Variants in PDE4D observed in about 807,000 individuals in gnomAD.
PDE4D encodes the protein phosphodiesterase 4D.
Under a neutral mutation model 87.4 loss-of-function variants are expected in PDE4D, and 24 were observed. That is an observed-to-expected ratio of 0.27 (90% CI 0.20 to 0.39). The LOEUF (loss-of-function observed/expected upper bound fraction) is 0.39. Ranked by LOEUF, PDE4D falls within the 10% of genes least tolerant of loss-of-function variation. PDE4D has a pLI of 1.00. For synonymous variants in PDE4D, 384 were observed against 383.2 expected (o/e 1.00, Z -0.02); for missense variants, 714 against 1,041.0 (o/e 0.69, Z 4.32).
chr5:60,070,468 T>C (rs1224762156), intron 2 of PDE4D, among the ~76,000 whole-genome samples: 1 of 152,106 alleles, frequency 6.6e-6, no homozygotes, highest in Non-Finnish European at 1.5e-5. Context: ...CATGTTTTTA[T>C]GCTTTATTTT....
At chr5:59,516,233 T>G (rs1811126713) in intron 1 of PDE4D, among the ~76,000 whole-genome samples, 1 of 152,212 alleles carries the variant, frequency 6.6e-6, no homozygotes, top group Non-Finnish European at 1.5e-5. Flanking sequence ...CCAGAGCATT[T>G]GCAAGATTCC....
At chr5:60,147,535 T>C (rs1319754926) in intron 2 of PDE4D, among the ~76,000 whole-genome samples, 3 of 152,266 alleles carry the variant, frequency 2.0e-5, no homozygotes, top group African/African-American at 7.2e-5. Flanking sequence ...CCAGTCAAGA[T>C]AATGTGAATG....
chr5:59,751,528 T>C (rs547666735), intron 1 of PDE4D, among the ~76,000 whole-genome samples: 50 of 150,810 alleles, frequency 3.3e-4, no homozygotes, highest in African/African-American at 1.2e-3. Flanking sequence ...GTGAAGCTGT[T>C]AGGAAAGATA....
chr5:59,946,896 C>T (rs948003851), intron 3 of PDE4D, among the ~76,000 whole-genome samples: 1 of 152,142 alleles, frequency 6.6e-6, no homozygotes, highest in African/African-American at 2.4e-5. Flanking sequence ...TCTGGTCCAT[C>T]GAGAAGTCTC....
In PDE4D at chr5:59,627,686, CA is replaced by C. The variant is rs529115329; in HGVS notation, c.455+265481del. ...GAAGCATCAGATTTTTATGTGAAGCCAAAATAGTTTTATAAAATATAGATTG... is the reference window on the plus strand; with the variant it reads ...GAAGCATCAGATTTTTATGTGAAGCCAAATAGTTTTATAAAATATAGATTG... On this transcript the variant is annotated intron_variant, in intron 1 of 14. Transcript: ENST00000340635. Among the ~76,000 whole-genome samples, 255 of 152,136 alleles carry C rather than the reference CA, an allele frequency of 1.7e-3. 1 individual carries two copies. Among genetic ancestry groups the C allele is most frequent in the African/African-American group, 4.8e-3 (201 of 41,506 alleles).
intron 1 of PDE4D, among the ~76,000 whole-genome samples, chr5:59,347,272 T>C (rs1329480598): frequency 6.6e-6 from 1 of 152,138 alleles, no homozygotes; most frequent in Non-Finnish European, 1.5e-5. Flanking sequence ...TGCCATTACA[T>C]TCCTTTATCC....
chr5:59,365,330 A>G (rs529261154), intron 1 of PDE4D, among the ~76,000 whole-genome samples: 2 of 151,962 alleles, frequency 1.3e-5, no homozygotes, highest in African/African-American at 4.8e-5. Context: ...ATGGTGGTGC[A>G]TGCCTGGGGT....
At chr5:59,170,255 C>T (rs1782551613) in intron 5 of PDE4D, among the ~76,000 whole-genome samples, 1 of 152,128 alleles carries the variant, frequency 6.6e-6, no homozygotes, top group South Asian at 2.1e-4. Flanking sequence ...TGGCCTCAAG[C>T]CATCTTCCTC....
chr5:59,778,633 C>A (rs150539799), intron 1 of PDE4D, among the ~76,000 whole-genome samples: 26 of 152,140 alleles, frequency 1.7e-4, no homozygotes, highest in Admixed American at 1.4e-3. Flanking sequence ...TCTTGATACA[C>A]CCCTGGTGAA....
intron 1 of PDE4D, among the ~76,000 whole-genome samples, chr5:59,410,389 G>A (rs1214183472): frequency 6.6e-6 from 1 of 152,098 alleles, no homozygotes; most frequent in Non-Finnish European, 1.5e-5. Flanking sequence ...TGAGATTACA[G>A]GCATGCACCA....
intron 1 of PDE4D, among the ~76,000 whole-genome samples, chr5:59,866,428 T>A (rs1489351055): frequency 6.6e-6 from 1 of 152,086 alleles, no homozygotes; most frequent in Non-Finnish European, 1.5e-5. Flanking sequence ...GGGAAATGAG[T>A]TAAGGAAGGA....
intron 11 of PDE4D, among the ~76,000 whole-genome samples, chr5:58,986,827 G>A (rs887501050): frequency 2.0e-5 from 3 of 152,124 alleles, no homozygotes; most frequent in Non-Finnish European, 2.9e-5. Flanking sequence ...CAGAGTACTT[G>A]GAAGACAGTG....
intron 3 of PDE4D, among the ~76,000 whole-genome samples, chr5:59,920,922 G>A (rs536973858): frequency 7.9e-5 from 12 of 151,958 alleles, no homozygotes; most frequent in African/African-American, 2.2e-4. Flanking sequence ...TGTAAATGAC[G>A]AGTTAATGGG....
chr5:59,617,736 T>C (rs1829875551), intron 1 of PDE4D, among the ~76,000 whole-genome samples: 1 of 152,210 alleles, frequency 6.6e-6, no homozygotes, highest in African/African-American at 2.4e-5. Context: ...AGCATGGCCC[T>C]GCCAACACCT....
At position 58,974,773 on chromosome 5, in the gene PDE4D, T is replaced by G; in HGVS notation, c.2321A>C (p.Glu774Ala). ...DSKTLCTQDSESTEIPLDEQV... is the reference protein window; with the variant it reads ...DSKTLCTQDSASTEIPLDEQV... ...TTCATCAAGGGGAATTTCAGTAGAC[T>G]CTGAGTCTTGAGTACAAAGAGTCTT... Residue 774 changes from glutamate (E) to alanine (A), a missense_variant, in exon 15 of 15, where the codon GAG becomes GCG. Around this residue, in one of 7 missense-constraint regions of PDE4D, gnomAD observed 90 missense variants for 95.3 expected, o/e 0.94. Transcript: ENST00000340635. The G allele has an allele frequency of 6.2e-7, 1 of 1,613,780 alleles. No homozygotes were observed. The highest frequency in any genetic ancestry group is 8.5e-7 in the Non-Finnish European group (1 of 1,179,702).
intron 1 of PDE4D, among the ~76,000 whole-genome samples, chr5:60,473,321 C>T (rs1054995171): frequency 2.6e-5 from 4 of 151,898 alleles, no homozygotes; most frequent in Non-Finnish European, 5.9e-5. Context: ...AAAGAGACCT[C>T]CTATATTTTG....
At chr5:60,476,898 A>G (rs1748377406) in intron 1 of PDE4D, among the ~76,000 whole-genome samples, 5 of 152,204 alleles carry the variant, frequency 3.3e-5, no homozygotes, top group Admixed American at 2.6e-4. Context: ...AATGTCTGTC[A>G]ATCCCCATTA....
At chr5:60,285,739 G>A (rs1005944393) in intron 1 of PDE4D, among the ~76,000 whole-genome samples, 3 of 152,186 alleles carry the variant, frequency 2.0e-5, no homozygotes, top group African/African-American at 4.8e-5. Flanking sequence ...ACAGAGTGAC[G>A]TGGTGCCCAC....
Position 58,975,265 on chromosome 5 carries a change from CA to C in PDE4D, c.2014-186del, listed in dbSNP as rs1743422860. ...AAGTAAAGTATTGCTACTAGCTGGT[CA>C]AAATTAGCTTCTAGAACCTTTGGTT... On this transcript the variant is annotated intron_variant, in intron 14 of 14. Transcript: ENST00000340635. This position sits in a 1 kb window ranked among gnomAD's most constrained non-coding sequence, Gnocchi z 4.2. 6.6e-6 allele frequency among the ~76,000 whole-genome samples: 1 copy of C among 151,970 alleles called. No individual in the cohort carries two copies. Among genetic ancestry groups the C allele is most frequent in the African/African-American group, 2.4e-5 (1 of 41,384 alleles).
Sources: allele counts gnomAD v4.1 joint callset (sites outside exome capture counted in the v4.1 genomes callset), GRCh38; gene constraint gnomAD v4.1.1; regional missense constraint gnomAD v4.1.1; non-coding constraint Gnocchi (gnomAD v3.1); transcripts MANE v1.5; gene names NCBI Gene and HGNC (gene_info 2026-07-23, HGNC 2026-07-21).